The following ATP8A2 variants were observed in gnomAD, a reference collection of about 807,000 sequenced individuals.
ATP8A2 encodes phospholipid-transporting ATPase IB.
In ATP8A2, 100 loss-of-function variants were observed where a neutral mutation model predicts 165.6. The observed-to-expected ratio is 0.60, with a 90% CI of 0.51 to 0.71. ATP8A2 has a LOEUF of 0.71. Among genes scored for constraint, ATP8A2 ranks in the 30% least tolerant of loss-of-function variants. The pLI, the probability that ATP8A2 is intolerant of heterozygous loss-of-function variation, is 0.00. For synonymous variants in ATP8A2, 543 were observed against 548.8 expected, an observed-to-expected ratio of 0.99 and a Z score of 0.15; for missense variants, 1,227 against 1,479.5, an observed-to-expected ratio of 0.83 and a Z score of 2.80.
chr13:25,787,980 C>A (rs913343367), intron 27 of ATP8A2, among the ~76,000 whole-genome samples: 2 of 152,214 alleles, frequency 1.3e-5, no homozygotes, highest in African/African-American at 4.8e-5. Flanking sequence ...AATGCCAGGA[C>A]CCACAGACAT....
At chr13:25,538,559 A>G (rs1297574338) in intron 7 of ATP8A2, among the ~76,000 whole-genome samples, 6 of 152,144 alleles carry the variant, frequency 3.9e-5, no homozygotes, top group Non-Finnish European at 1.5e-5. Context: ...CTGTCCAAGT[A>G]TCATTTTCAT....
intron 24 of ATP8A2, among the ~76,000 whole-genome samples, chr13:25,635,217 G>A (rs1565999137): frequency 6.6e-6 from 1 of 152,156 alleles, no homozygotes; most frequent in Non-Finnish European, 1.5e-5. Flanking sequence ...CACTTAGAGA[G>A]CATTGTAGAA....
chr13:25,551,585 G>A (rs2038826360), intron 11 of ATP8A2, 82 bp downstream of exon 11: 5 of 1,350,900 alleles, frequency 3.7e-6, no homozygotes, highest in South Asian at 2.8e-5. Context: ...GAAGTGTGGT[G>A]TCCCTGCTGT....
At chr13:25,525,888 G>A (rs1022440395) in intron 2 of ATP8A2, among the ~76,000 whole-genome samples, 5 of 152,016 alleles carry the variant, frequency 3.3e-5, no homozygotes, top group Non-Finnish European at 7.4e-5. Context: ...TTTTGAGTAA[G>A]CTTTTTACTC....
intron 1 of ATP8A2, among the ~76,000 whole-genome samples, chr13:25,409,676 C>G (rs1333588453): frequency 6.6e-6 from 1 of 152,162 alleles, no homozygotes; most frequent in African/African-American, 2.4e-5. Flanking sequence ...ACAGGAGATG[C>G]AGGCTTGCAA....
At chr13:25,927,371 GC>G in intron 33 of ATP8A2, 1 of 347,630 alleles carries the variant, frequency 2.9e-6, no homozygotes, top group South Asian at 2.2e-5. Flanking sequence ...ACTTTTGGGG[GC>G]CCCCAAATGA....
intron 30 of ATP8A2, among the ~76,000 whole-genome samples, chr13:25,855,529 C>T (rs1952138490): frequency 6.6e-6 from 1 of 152,102 alleles, no homozygotes; most frequent in Non-Finnish European, 1.5e-5. Flanking sequence ...AGTGGATGGA[C>T]ATTTGGGTTA....
At chr13:25,459,939 C>A (rs184153070) in intron 1 of ATP8A2, among the ~76,000 whole-genome samples, 1 of 152,118 alleles carries the variant, frequency 6.6e-6, no homozygotes, top group Non-Finnish European at 1.5e-5. Flanking sequence ...CAGTGGCTCA[C>A]GCCTGTAATC....
At chr13:25,668,183 C>G (rs1312682324) in intron 24 of ATP8A2, among the ~76,000 whole-genome samples, 1 of 152,284 alleles carries the variant, frequency 6.6e-6, no homozygotes, top group East Asian at 1.9e-4. Context: ...CCTTTCCTCT[C>G]AGCCTGAAGT....
intron 1 of ATP8A2, among the ~76,000 whole-genome samples, chr13:25,383,237 G>A (rs959327601): frequency 2.0e-5 from 3 of 151,538 alleles, no homozygotes; most frequent in African/African-American, 7.3e-5. Flanking sequence ...GTAGAGACGG[G>A]GTTTCACCAT....
rs114623097 is a variant in ATP8A2 at position 25,571,833 on chromosome 13, G to A, written c.1662+141G>A. The A allele has an allele frequency of 4.0e-4, 317 of 792,410 alleles. No homozygotes were observed. In the African/African-American group the frequency reaches 5.0e-3, roughly 13 times the overall value. The allele number at this position is 792,410 out of a possible 1,614,324, so 49.1% of individuals were successfully genotyped here. On this transcript the variant is annotated intron_variant, in intron 18 of 36. Coordinates refer to ENST00000381655, the MANE Select transcript of ATP8A2 (RefSeq NM_016529.6). ...AGACCTGTGACAAACTGGAGTTAAT[G>A]TGATTATATTAGCTTGTTCGAGTTG...
At chr13:25,757,455 C>T (rs929564405) in intron 25 of ATP8A2, among the ~76,000 whole-genome samples, 2 of 152,042 alleles carry the variant, frequency 1.3e-5, no homozygotes, top group Non-Finnish European at 2.9e-5. Flanking sequence ...CCAAAGTTGT[C>T]ACTACTTTAA....
chr13:25,732,891 A>G (rs2043683090), intron 25 of ATP8A2, among the ~76,000 whole-genome samples: 1 of 152,198 alleles, frequency 6.6e-6, no homozygotes, highest in Non-Finnish European at 1.5e-5. Context: ...ATTGAAATTT[A>G]TTGAAAATAT....
At chr13:25,529,780 A>G (rs188736110) in intron 2 of ATP8A2, among the ~76,000 whole-genome samples, 31 of 152,338 alleles carry the variant, frequency 2.0e-4, no homozygotes, top group African/African-American at 7.2e-4. Context: ...ATATCTTCCA[A>G]TGTAGAAAAC....
At chr13:25,583,148 G>C (rs752553863) in intron 23 of ATP8A2, among the ~76,000 whole-genome samples, 7 of 152,158 alleles carry the variant, frequency 4.6e-5, no homozygotes, top group Non-Finnish European at 1.0e-4. Flanking sequence ...CTTTGATGAT[G>C]TGTCAGTAGC....
rs187254302 is a variant in ATP8A2 at position 25,513,755 on chromosome 13, G to A, written c.222-16244G>A. ...GGATCACTCGCGGTTAGGAGCTGGA[G>A]ACCAGCCCGGGCAACACAGCGAAAC... On this transcript the variant is annotated intron_variant, in intron 2 of 36. Transcript: ENST00000381655. Among the ~76,000 whole-genome samples the A allele has an allele frequency of 9.8e-3, 1,489 of 152,288 alleles. 26 individuals are homozygous for A. Among genetic ancestry groups the A allele is most frequent in the African/African-American group, 0.034 (1,401 of 41,566 alleles).
intron 33 of ATP8A2, among the ~76,000 whole-genome samples, chr13:25,924,282 A>T (rs1011654533): frequency 1.3e-5 from 2 of 152,176 alleles, no homozygotes; most frequent in African/African-American, 4.8e-5. Context: ...AACCATAGAA[A>T]TGATTGCCTT....
At chr13:25,666,980 C>T (rs1230476717) in intron 24 of ATP8A2, among the ~76,000 whole-genome samples, 2 of 152,134 alleles carry the variant, frequency 1.3e-5, no homozygotes, top group East Asian at 3.8e-4. Context: ...CCCCAGCTTA[C>T]TTTTTGTTAT....
intron 10 of ATP8A2, among the ~76,000 whole-genome samples, chr13:25,545,203 G>A (rs1376914966): frequency 6.6e-6 from 1 of 151,948 alleles, no homozygotes; most frequent in Non-Finnish European, 1.5e-5. Flanking sequence ...AGGCGGGAGG[G>A]CTCCATGGCA....
Sources: gnomAD v4.1 joint callset for allele counts (sites outside exome capture counted in the v4.1 genomes callset) on GRCh38, gnomAD v4.1.1 for gene constraint, MANE v1.5 for transcripts, NCBI Gene and HGNC (gene_info 2026-07-23, HGNC 2026-07-21) for gene names.